Variants in NRG3 observed in about 807,000 individuals in gnomAD.
NRG3 encodes neuregulin 3.
In NRG3, 31 loss-of-function variants were observed where a neutral mutation model predicts 66.9. The ratio of observed to expected loss-of-function variants is 0.46; its 90% CI spans 0.35 to 0.63. NRG3 has a LOEUF of 0.63. NRG3 is among the 20% of genes least tolerant of loss of function. NRG3 has a pLI of 0.00. For synonymous variants in NRG3, 393 were observed against 359.4 expected (o/e 1.09, Z -1.06); for missense variants, 910 against 878.9 (o/e 1.04, Z -0.45).
chr10:82,924,416 G>T (rs1833143825), intron 4 of NRG3, among the ~76,000 whole-genome samples: 1 of 152,078 alleles, frequency 6.6e-6, no homozygotes. Flanking sequence ...TCATCAGTTT[G>T]TGCGGTGGTA....
intron 1 of NRG3, among the ~76,000 whole-genome samples, chr10:81,950,035 C>T (rs1228539464): frequency 1.3e-5 from 2 of 152,156 alleles, no homozygotes; most frequent in Non-Finnish European, 2.9e-5. Context: ...CCCTCCTGCT[C>T]GAAGACCAAC....
chr10:82,656,530 T>C (rs2051877932), intron 2 of NRG3, among the ~76,000 whole-genome samples: 1 of 152,130 alleles, frequency 6.6e-6, no homozygotes, highest in Non-Finnish European at 1.5e-5. Context: ...TATCCTTTCC[T>C]TTTCCTAAAG....
intron 1 of NRG3, among the ~76,000 whole-genome samples, chr10:81,966,876 A>G (rs1019340565): frequency 2.6e-5 from 4 of 152,176 alleles, no homozygotes; most frequent in African/African-American, 9.7e-5. Context: ...TAATAAAATC[A>G]TATATGTGAC....
chr10:82,736,112 G>T (rs571593756), intron 2 of NRG3, among the ~76,000 whole-genome samples: 1 of 151,758 alleles, frequency 6.6e-6, no homozygotes, highest in Non-Finnish European at 1.5e-5. Flanking sequence ...AAAGAAAAAA[G>T]AAAATAAAAC....
chr10:82,480,340 G>A (rs1194837460), intron 2 of NRG3, among the ~76,000 whole-genome samples: 1 of 152,138 alleles, frequency 6.6e-6, no homozygotes, highest in African/African-American at 2.4e-5. Flanking sequence ...CATTCAACAG[G>A]TGATGTTTAA....
intron 1 of NRG3, among the ~76,000 whole-genome samples, chr10:82,117,446 T>G (rs922050652): frequency 1.3e-5 from 2 of 152,190 alleles, no homozygotes; most frequent in African/African-American, 4.8e-5. Context: ...TTCTTTTAAT[T>G]TAATTCTTAT....
intron 6 of NRG3, among the ~76,000 whole-genome samples, chr10:82,969,993 T>C (rs1033559214): frequency 6.6e-6 from 1 of 152,204 alleles, no homozygotes; most frequent in Non-Finnish European, 1.5e-5. Context: ...CTTTTGCGCC[T>C]TTTATTCTTT....
chr10:82,157,803 T>C (rs1310551611), intron 1 of NRG3, among the ~76,000 whole-genome samples: 4 of 151,546 alleles, frequency 2.6e-5, no homozygotes, highest in Non-Finnish European at 4.4e-5. Context: ...AGGTGGGAAA[T>C]TTGATCAAGA....
Position 82,447,133 on chromosome 10 carries a change from A to G in NRG3, c.953+88265A>G, listed in dbSNP as rs557416798. Among the ~76,000 whole-genome samples, 9 of 152,360 alleles carry G rather than the reference A, an allele frequency of 5.9e-5. No individual in the cohort carries two copies. In the South Asian group the frequency reaches 8.3e-4, roughly 14 times the overall value. Reference sequence around the variant, plus strand: ...CTGCAAACTGTGCAAGAAAACAACAATGTCTCAAATGCTACTCTCTAGGAA... The same window carrying G: ...CTGCAAACTGTGCAAGAAAACAACAGTGTCTCAAATGCTACTCTCTAGGAA... On this transcript the variant is annotated intron_variant, in intron 2 of 8. Transcript: ENST00000372141.
intron 2 of NRG3, among the ~76,000 whole-genome samples, chr10:82,484,059 GT>G (rs1842490967): frequency 1.3e-5 from 2 of 152,224 alleles, no homozygotes; most frequent in Non-Finnish European, 2.9e-5. Flanking sequence ...AGACACGCTG[GT>G]TTTTTCTATA....
chr10:82,922,201 A>G (rs1846492842), intron 4 of NRG3, among the ~76,000 whole-genome samples: 1 of 152,070 alleles, frequency 6.6e-6, no homozygotes, highest in South Asian at 2.1e-4. Context: ...ACCAAGCCCT[A>G]TGCACTGAAC....
At chr10:82,150,621 G>C (rs1590312296) in intron 1 of NRG3, among the ~76,000 whole-genome samples, 1 of 151,748 alleles carries the variant, frequency 6.6e-6, no homozygotes, top group East Asian at 1.9e-4. Flanking sequence ...AAGCCCAGGG[G>C]CTGCTAGAGG....
intron 1 of NRG3, among the ~76,000 whole-genome samples, chr10:81,989,681 T>G (rs2060662167): frequency 6.6e-6 from 1 of 152,148 alleles, no homozygotes; most frequent in Non-Finnish European, 1.5e-5. Context: ...TTTGAGGTCA[T>G]AGGAGCCCAG....
chr10:82,548,761 AT>A, intron 2 of NRG3, among the ~76,000 whole-genome samples: 1 of 132,556 alleles, frequency 7.5e-6, no homozygotes, highest in African/African-American at 3.5e-5. Flanking sequence ...ACATAAATAA[AT>A]TAATTAATTA....
intron 2 of NRG3, among the ~76,000 whole-genome samples, chr10:82,405,454 G>T (rs1590009414): frequency 2.1e-5 from 3 of 139,954 alleles, no homozygotes; most frequent in Admixed American, 7.1e-5. Flanking sequence ...GATCTCAGTA[G>T]TTTGTTTTTT....
intron 4 of NRG3, among the ~76,000 whole-genome samples, chr10:82,906,054 G>T (rs561763906): frequency 2.0e-5 from 3 of 152,094 alleles, no homozygotes; most frequent in Non-Finnish European, 4.4e-5. Flanking sequence ...ACCCAGCTAC[G>T]TGCTATCCTG....
chr10:82,043,766 G>A (rs1236237031), intron 1 of NRG3, among the ~76,000 whole-genome samples: 1 of 151,912 alleles, frequency 6.6e-6, no homozygotes, highest in Admixed American at 6.6e-5. Flanking sequence ...CTTGGAAACT[G>A]CAACTTTAAG....
rs578174303 is a variant in NRG3, at chr10:82,205,077, T to A, written c.824-153662T>A. ...TACATGGAGATATGCAATAAGCAAA[T>A]GGAAATGTGGACATTAACTCAAAAG... On this transcript the variant is annotated intron_variant, in intron 1 of 8. Coordinates refer to ENST00000372141, the MANE Select transcript of NRG3 (RefSeq NM_001010848.4). 5.3e-5 allele frequency among the ~76,000 whole-genome samples: 8 copies of A among 152,328 alleles called. No individual in the cohort carries two copies. The South Asian group carries it at 6.2e-4, about 12-fold the overall frequency.
chr10:81,894,882 C>T (rs1843379773), intron 1 of NRG3, among the ~76,000 whole-genome samples: 1 of 152,144 alleles, frequency 6.6e-6, no homozygotes, highest in African/African-American at 2.4e-5. Context: ...TACTGCTGTT[C>T]CCACTAATAA....
Sources: allele counts gnomAD v4.1 joint callset (sites outside exome capture counted in the v4.1 genomes callset), GRCh38; gene constraint gnomAD v4.1.1; transcripts MANE v1.5; gene names NCBI Gene and HGNC (gene_info 2026-07-23, HGNC 2026-07-21).